The following ANK2 variants were observed in gnomAD, a reference collection of about 807,000 sequenced individuals.
ANK2 encodes the protein ankyrin-2.
A neutral mutation model predicts 360.5 loss-of-function variants in ANK2; 83 were observed. The observed-to-expected ratio is 0.23, with a 90% CI of 0.19 to 0.28. The LOEUF (loss-of-function observed/expected upper bound fraction) is 0.28, where lower values mean the gene tolerates loss of function less well. ANK2 is among the 10% of genes least tolerant of loss of function. ANK2 has a pLI of 1.00. For synonymous variants in ANK2, 1,740 were observed against 1,759.5 expected, an observed-to-expected ratio of 0.99 and a Z score of 0.28; for missense variants, 4,201 against 4,795.7, an observed-to-expected ratio of 0.88 and a Z score of 3.66.
chr4:112,867,722 C>T (rs1435295936), intron 1 of ANK2, among the ~76,000 whole-genome samples: 1 of 147,544 alleles, frequency 6.8e-6, no homozygotes. Flanking sequence ...TCCATGTTGT[C>T]ATGTATTATT....
intron 1 of ANK2, among the ~76,000 whole-genome samples, chr4:113,130,227 A>G (rs2095928164): frequency 6.6e-6 from 1 of 152,132 alleles, no homozygotes; most frequent in African/African-American, 2.4e-5. Flanking sequence ...AGAACCCTAC[A>G]CCTAACGAAT....
intron 1 of ANK2, among the ~76,000 whole-genome samples, chr4:113,057,006 G>T (rs1180381190): frequency 1.3e-5 from 2 of 152,072 alleles, no homozygotes; most frequent in Non-Finnish European, 2.9e-5. Flanking sequence ...TTTAATTTAG[G>T]TGTTTCTTCC....
At chr4:112,788,291 G>A in the ANK2 span, 37 of 1,573,900 alleles carry the variant, frequency 2.4e-5, no homozygotes, top group African/African-American at 2.8e-4. Context: ...AGTGGTGCAG[G>A]TCTTCCTGTG....
intron 23 of ANK2, among the ~76,000 whole-genome samples, chr4:113,309,902 C>T (rs2079048610): frequency 6.6e-6 from 1 of 152,108 alleles, no homozygotes; most frequent in African/African-American, 2.4e-5. Context: ...CTTCAAATGT[C>T]TTTCTATTTT....
At chr4:112,766,193 G>A in the ANK2 span, among the ~76,000 whole-genome samples, 5 of 152,002 alleles carry the variant, frequency 3.3e-5, no homozygotes, top group African/African-American at 9.7e-5. Context: ...TTAGCCGGGC[G>A]TGGTGGTGCA....
At chr4:113,194,265 G>A (rs1253493757) in intron 2 of ANK2, among the ~76,000 whole-genome samples, 6 of 152,150 alleles carry the variant, frequency 3.9e-5, no homozygotes, top group African/African-American at 1.4e-4. Flanking sequence ...TGTAAGTTTA[G>A]CCATATCTTC....
In ANK2 at chr4:113,369,800, G is replaced by A; in HGVS notation, c.11605G>A (p.Glu3869Lys). ...AAGACTCGATGAAGATGCAGCTTTT[G>A]AAAAGGTAAGACATTCCTCTCCACT... ...CERLDEDAAF[E>K]KGDDMPEIPP... is the part of the protein sequence containing the mutation. Residue 3869 changes from glutamate (E) to lysine (K), a missense_variant, in exon 43 of 46, where the codon GAA (glutamate) becomes AAA (lysine). Glu to Lys is a moderately conservative substitution (Grantham distance 56). Transcript: ENST00000357077. 6.2e-7 allele frequency: 1 copy of A among 1,614,034 alleles called. No homozygotes were observed. Among genetic ancestry groups the A allele is most frequent in the South Asian group, 1.1e-5 (1 of 91,058 alleles).
Position 113,292,528 on chromosome 4 carries a change from C to T in ANK2, c.2376+14C>T, listed in dbSNP as rs1360669090. On this transcript the variant is annotated intron_variant, in intron 21 of 45. Coordinates refer to ENST00000357077, the MANE Select transcript of ANK2 (RefSeq NM_001148.6). ...GCCACCACTGCGGTAAGGCAGACGCCACTGCCCCTCACCACGCTTTCTTCT... is the reference window on the plus strand; with the variant it reads ...GCCACCACTGCGGTAAGGCAGACGCTACTGCCCCTCACCACGCTTTCTTCT... The T allele has an allele frequency of 1.3e-6, 2 of 1,584,568 alleles. No individual in the cohort carries two copies. Among genetic ancestry groups the T allele is most frequent in the Admixed American group, 3.5e-5 (2 of 57,460 alleles).
intron 23 of ANK2, among the ~76,000 whole-genome samples, chr4:113,309,002 G>A (rs115000203): frequency 0.015 from 2,282 of 152,254 alleles, 31 homozygotes; most frequent in Middle Eastern, 0.024. Context: ...TACATTTAAA[G>A]CTTTGATTTG....
chr4:112,788,362 A>G, the ANK2 span: 5 of 1,554,288 alleles, frequency 3.2e-6, no homozygotes, highest in Non-Finnish European at 4.4e-6. Context: ...CCATTTTACG[A>G]CATAGGGCAG....
chr4:113,028,291 C>T (rs1412944277), intron 2 of ANK2, among the ~76,000 whole-genome samples: 1 of 151,952 alleles, frequency 6.6e-6, no homozygotes, highest in African/African-American at 2.4e-5. Context: ...AGAAGGTAGC[C>T]AAACAAATGT....
intron 2 of ANK2, among the ~76,000 whole-genome samples, chr4:112,967,489 A>T (rs970917205): frequency 6.6e-6 from 1 of 152,234 alleles, no homozygotes; most frequent in Non-Finnish European, 1.5e-5. Context: ...TAATCAAAAT[A>T]GTAACTTAAA....
chr4:113,238,482 C>T (rs1444654347), intron 7 of ANK2, among the ~76,000 whole-genome samples: 1 of 152,150 alleles, frequency 6.6e-6, no homozygotes, highest in African/African-American at 2.4e-5. Flanking sequence ...CTTTTGTTCC[C>T]TATCGTTGCA....
At chr4:112,854,802 T>C (rs2065933601) in intron 1 of ANK2, among the ~76,000 whole-genome samples, 2 of 151,900 alleles carry the variant, frequency 1.3e-5, no homozygotes, top group South Asian at 4.2e-4. Flanking sequence ...AGGTGGGAGC[T>C]GGGGTGAAGA....
At chr4:113,214,175 G>C (rs1469053754) in intron 4 of ANK2, 2 of 703,404 alleles carry the variant, frequency 2.8e-6, no homozygotes, top group African/African-American at 1.8e-5. Flanking sequence ...AACTCACACA[G>C]TAATGTAGCT....
chr4:112,802,321 A>G, the ANK2 span, among the ~76,000 whole-genome samples: 1 of 152,150 alleles, frequency 6.6e-6, no homozygotes, highest in Admixed American at 6.6e-5. Flanking sequence ...TGAATTAGAG[A>G]TATTTCCTGT....
At position 113,237,707 on chromosome 4, in the gene ANK2, C is replaced by T; in HGVS notation, c.693+85C>T. On this transcript the variant is annotated intron_variant, in intron 7 of 45. Coordinates refer to ENST00000357077, the MANE Select transcript of ANK2 (RefSeq NM_001148.6). ...TGGAATAAATGCTCACTAATTCATA[C>T]TAATGATTAGAAGTTTGATTAATGG... is the stretch of plus-strand genomic sequence containing the variant. 14 of 1,221,456 alleles carry T rather than the reference C, an allele frequency of 1.1e-5. 1 individual carries two copies. In the South Asian group the frequency reaches 1.6e-4, roughly 14 times the overall value. The allele number at this position is 1,221,456 out of a possible 1,614,324, so 75.7% of individuals were successfully genotyped here. A position where few individuals can be genotyped will look rare whatever the true frequency, so the allele number is the denominator to read the frequency against.
intron 1 of ANK2, chr4:112,826,562 C>G: frequency 7.0e-7 from 1 of 1,430,282 alleles, no homozygotes; most frequent in South Asian, 1.3e-5. Flanking sequence ...CGGGCCCTGT[C>G]CTTTCACAAC....
chr4:112,903,155 C>T (rs1056764106), intron 1 of ANK2, among the ~76,000 whole-genome samples: 1 of 152,170 alleles, frequency 6.6e-6, no homozygotes, highest in African/African-American at 2.4e-5. Flanking sequence ...GTATTGGGCC[C>T]CACTTCCAGT....
Sources: gnomAD v4.1 joint callset for allele counts (sites outside exome capture counted in the v4.1 genomes callset) on GRCh38, gnomAD v4.1.1 for gene constraint, MANE v1.5 for transcripts, NCBI Gene and HGNC (gene_info 2026-07-23, HGNC 2026-07-21) for gene names.